The following PDE10A variants were observed in gnomAD, a reference collection of about 807,000 sequenced individuals.
PDE10A encodes the protein phosphodiesterase 10A.
Under a neutral mutation model 97.7 loss-of-function variants are expected in PDE10A, and 39 were observed. The ratio of observed to expected loss-of-function variants is 0.40; its 90% CI spans 0.31 to 0.52. PDE10A has a LOEUF of 0.52. PDE10A is among the 20% of genes least tolerant of loss of function. PDE10A has a pLI of 0.56. For missense variants in PDE10A, 731 were observed against 1,047.8 expected, an observed-to-expected ratio of 0.70 and a Z score of 4.17; for synonymous variants, 371 against 376.8, an observed-to-expected ratio of 0.98 and a Z score of 0.18.
At chr6:165,398,499 C>CAAAAA (rs376168637) in intron 13 of PDE10A, among the ~76,000 whole-genome samples, 2 of 90,750 alleles carry the variant, frequency 2.2e-5, no homozygotes, top group African/African-American at 6.5e-5. Flanking sequence ...CTCTCTCTCT[C>CAAAAA]AAAAAAAAAA....
intron 18 of PDE10A, among the ~76,000 whole-genome samples, chr6:165,343,801 C>T (rs1782127845): frequency 6.6e-6 from 1 of 152,132 alleles, no homozygotes; most frequent in Admixed American, 6.5e-5. Flanking sequence ...ATCTAAATCC[C>T]CTGGTACACT....
intron 1 of PDE10A, among the ~76,000 whole-genome samples, chr6:165,858,437 T>C (rs2128476201): frequency 6.6e-6 from 1 of 152,270 alleles, no homozygotes; most frequent in East Asian, 1.9e-4. Context: ...ATGAGAACCA[T>C]GAGTTTAAAC....
At chr6:165,787,879 G>C (rs894649768) in intron 1 of PDE10A, among the ~76,000 whole-genome samples, 1 of 152,114 alleles carries the variant, frequency 6.6e-6, no homozygotes, top group Admixed American at 6.5e-5. Context: ...GAAACCATAG[G>C]AATAAATATT....
chr6:165,761,140 TGGGAG>T (rs1359138337), intron 1 of PDE10A, among the ~76,000 whole-genome samples: 11 of 152,200 alleles, frequency 7.2e-5, no homozygotes, highest in Admixed American at 3.3e-4. Flanking sequence ...TCAACTTTGT[TGGGAG>T]TCACTGTTTC....
At chr6:165,703,853 TC>T (rs1024498994) in intron 1 of PDE10A, among the ~76,000 whole-genome samples, 1 of 152,152 alleles carries the variant, frequency 6.6e-6, no homozygotes, top group Non-Finnish European at 1.5e-5. Flanking sequence ...TGTTCTCAAA[TC>T]CTTTGCGAGT....
At chr6:165,654,171 C>A (rs1397431769) in intron 1 of PDE10A, among the ~76,000 whole-genome samples, 1 of 152,148 alleles carries the variant, frequency 6.6e-6, no homozygotes, top group Non-Finnish European at 1.5e-5. Flanking sequence ...TTCTCCGATC[C>A]CCCCTGTACA....
In PDE10A at chr6:165,388,255, A is replaced by C. The variant is rs895879040; in HGVS notation, c.2610+43T>G. 1.9e-6 allele frequency: 3 copies of C among 1,594,848 alleles called. No homozygotes were observed. The highest frequency in any genetic ancestry group is 2.6e-6 in the Non-Finnish European group (3 of 1,163,636). ...CCTATGAAGTATCCCTATCTCCCAG[A>C]CAGCCCTTCAGACTAAGCGAGAGAC... On this transcript the variant is annotated intron_variant, in intron 17 of 21. Transcript: ENST00000539869. The surrounding 1 kb of genome is among the most constrained non-coding windows in gnomAD (Gnocchi z 4.0).
At chr6:165,674,130 T>C (rs1790727419) in intron 1 of PDE10A, among the ~76,000 whole-genome samples, 1 of 152,172 alleles carries the variant, frequency 6.6e-6, no homozygotes, top group Non-Finnish European at 1.5e-5. Context: ...GTTCAAATCT[T>C]GCCTTTACCC....
At chr6:165,615,115 CAGG>C (rs751172847) in intron 1 of PDE10A, among the ~76,000 whole-genome samples, 19 of 150,806 alleles carry the variant, frequency 1.3e-4, no homozygotes, top group Admixed American at 2.6e-4. Flanking sequence ...GAGGCTGAGG[CAGG>C]AGAATTGCTT....
intron 1 of PDE10A, among the ~76,000 whole-genome samples, chr6:165,730,491 C>A (rs984664612): frequency 6.6e-6 from 1 of 152,206 alleles, no homozygotes; most frequent in African/African-American, 2.4e-5. Context: ...GTGATTCACA[C>A]CTGTAATCCC....
intron 1 of PDE10A, among the ~76,000 whole-genome samples, chr6:165,707,769 ATG>A (rs1791755431): frequency 6.6e-6 from 1 of 151,744 alleles, no homozygotes; most frequent in African/African-American, 2.4e-5. Flanking sequence ...GTGAAAGTGT[ATG>A]TGTGTGTGAG....
chr6:165,452,503 G>A (rs934177578), intron 3 of PDE10A, among the ~76,000 whole-genome samples: 1 of 152,088 alleles, frequency 6.6e-6, no homozygotes, highest in Non-Finnish European at 1.5e-5. Flanking sequence ...ACGGGAGTGG[G>A]GTCCTGATAA....
chr6:165,349,699 G>C (rs1782569916), intron 18 of PDE10A, among the ~76,000 whole-genome samples: 1 of 152,198 alleles, frequency 6.6e-6, no homozygotes, highest in African/African-American at 2.4e-5. Context: ...AGAGGCCCAA[G>C]GGGCAGAAAT....
chr6:165,895,404 C>T (rs185244878), intron 1 of PDE10A, among the ~76,000 whole-genome samples: 15 of 152,286 alleles, frequency 9.8e-5, no homozygotes, highest in African/African-American at 3.6e-4. Flanking sequence ...CCATGGCCAC[C>T]AGAAGCTGGG....
chr6:165,751,495 C>A (rs1484133084), intron 1 of PDE10A, among the ~76,000 whole-genome samples: 1 of 152,154 alleles, frequency 6.6e-6, no homozygotes, highest in Non-Finnish European at 1.5e-5. Flanking sequence ...CCTTGGGGTG[C>A]CCTTGATGAA....
intron 1 of PDE10A, among the ~76,000 whole-genome samples, chr6:165,796,378 ACCTGG>A (rs1433323055): frequency 2.6e-5 from 4 of 151,874 alleles, no homozygotes; most frequent in African/African-American, 9.7e-5. Context: ...GAGCCACCGC[ACCTGG>A]CCTGCACATC....
chr6:165,723,571 C>T (rs377161402), intron 1 of PDE10A, among the ~76,000 whole-genome samples: 42 of 152,150 alleles, frequency 2.8e-4, no homozygotes, highest in African/African-American at 7.7e-4. Flanking sequence ...TCTGCTGGGC[C>T]GTGTGAATTC....
chr6:165,862,864 C>A (rs146294416), intron 1 of PDE10A, among the ~76,000 whole-genome samples: 5,062 of 152,072 alleles, frequency 0.033, 102 homozygotes, highest in Middle Eastern at 0.048. Context: ...ATTTTTAGTA[C>A]AGATGGGATT....
At chr6:165,428,732 C>T (rs1789342010) in intron 9 of PDE10A, 23 bp from the exon 10 acceptor site, 4 of 976,856 alleles carry the variant, frequency 4.1e-6, no homozygotes, top group Middle Eastern at 2.5e-4. Flanking sequence ...AACATAAATC[C>T]TGTAAGTAAT....
Sources: gnomAD v4.1 joint callset for allele counts (sites outside exome capture counted in the v4.1 genomes callset) on GRCh38, gnomAD v4.1.1 for gene constraint, Gnocchi (gnomAD v3.1) non-coding constraint, MANE v1.5 for transcripts, NCBI Gene and HGNC (gene_info 2026-07-23, HGNC 2026-07-21) for gene names.